PPP2R5E: variants seen among roughly 807,000 people sequenced by gnomAD.
PPP2R5E encodes the protein protein phosphatase 2 regulatory subunit B'epsilon.
A neutral mutation model predicts 65.3 loss-of-function variants in PPP2R5E; 4 were observed. That is an observed-to-expected ratio of 0.06 (90% confidence interval 0.03 to 0.14). The LOEUF (loss-of-function observed/expected upper bound fraction) is 0.14. Ranked by LOEUF, PPP2R5E falls within the 10% of genes least tolerant of loss-of-function variation. The pLI is 1.00. For missense variants in PPP2R5E, 274 were observed against 556.1 expected, an observed-to-expected ratio of 0.49 and a Z score of 5.10; for synonymous variants, 183 against 187.4, an observed-to-expected ratio of 0.98 and a Z score of 0.19.
At chr14:63,481,874 CAAA>C (rs1431484599) in intron 2 of PPP2R5E, among the ~76,000 whole-genome samples, 1 of 152,020 alleles carries the variant, frequency 6.6e-6, no homozygotes, top group Non-Finnish European at 1.5e-5. Context: ...TTTATTCTGA[CAAA>C]ATTCTGGAGT....
intron 8 of PPP2R5E, 32 bp downstream of exon 8, chr14:63,393,788 C>G (rs1187101297): frequency 2.2e-6 from 3 of 1,391,986 alleles, no homozygotes; most frequent in Non-Finnish European, 3.0e-6. Context: ...TTTTATTTTG[C>G]TTCTAAAAGT....
chr14:63,501,610 G>A (rs1049173675), intron 2 of PPP2R5E, among the ~76,000 whole-genome samples: 2 of 152,070 alleles, frequency 1.3e-5, no homozygotes, highest in African/African-American at 4.8e-5. Context: ...ATTCTGAGGT[G>A]ATAAAAATGT....
chr14:63,382,403 C>CTT (rs576740305), intron 12 of PPP2R5E, among the ~76,000 whole-genome samples: 113 of 138,574 alleles, frequency 8.2e-4, no homozygotes, highest in East Asian at 2.7e-3. Flanking sequence ...CTTCTAATTT[C>CTT]TTTTTTTTTT....
intron 3 of PPP2R5E, among the ~76,000 whole-genome samples, chr14:63,426,881 CG>C (rs1428074790): frequency 1.3e-5 from 2 of 152,012 alleles, no homozygotes; most frequent in African/African-American, 4.8e-5. Context: ...GGGGAGGAAG[CG>C]GGGAGGCGTG....
chr14:63,435,338 A>C (rs1887903000), intron 3 of PPP2R5E, among the ~76,000 whole-genome samples: 1 of 152,150 alleles, frequency 6.6e-6, no homozygotes, highest in Non-Finnish European at 1.5e-5. Flanking sequence ...TAAATACCGA[A>C]ACTATGGGTG....
chr14:63,463,092 A>G (rs1421460969), intron 2 of PPP2R5E, among the ~76,000 whole-genome samples: 30 of 138,402 alleles, frequency 2.2e-4, no homozygotes, highest in Admixed American at 2.0e-3. Flanking sequence ...ACAAGAGCAA[A>G]ACTCCATCTC....
chr14:63,425,203 C>T (rs1887266244), intron 3 of PPP2R5E, among the ~76,000 whole-genome samples: 1 of 152,210 alleles, frequency 6.6e-6, no homozygotes, highest in Non-Finnish European at 1.5e-5. Context: ...CTTTTGCTAT[C>T]GCTAATGACA....
intron 2 of PPP2R5E, among the ~76,000 whole-genome samples, chr14:63,530,262 TGC>T (rs1893364363): frequency 7.0e-6 from 1 of 141,934 alleles, no homozygotes; most frequent in Non-Finnish European, 1.5e-5. Context: ...GACGGAGTTT[TGC>T]TCTTGTTGCC....
chr14:63,495,169 C>A (rs1237333180), intron 2 of PPP2R5E, among the ~76,000 whole-genome samples: 1 of 151,780 alleles, frequency 6.6e-6, no homozygotes, highest in African/African-American at 2.4e-5. Context: ...CGCCACTGCA[C>A]TCCAGCCTGG....
chr14:63,426,504 A>G (rs1887340859), intron 3 of PPP2R5E, among the ~76,000 whole-genome samples: 2 of 152,136 alleles, frequency 1.3e-5, no homozygotes, highest in African/African-American at 4.8e-5. Context: ...GGTCCACTAA[A>G]TGGAAATTAA....
intron 8 of PPP2R5E, 64 bp from the exon 9 acceptor site, chr14:63,392,089 C>T: frequency 1.5e-6 from 2 of 1,321,894 alleles, no homozygotes; most frequent in Non-Finnish European, 2.1e-6. Context: ...TCAAAAGATA[C>T]ACTATTAAAA....
intron 6 of PPP2R5E, 29 bp from the exon 7 acceptor site, chr14:63,395,314 AAGG>A (rs747313281): frequency 8.6e-6 from 13 of 1,510,710 alleles, no homozygotes; most frequent in Admixed American, 8.5e-5. Flanking sequence ...AGGGAGGAGA[AAGG>A]AGGAGAGGAG....
At chr14:63,379,830 T>TC (rs1884220108) in intron 13 of PPP2R5E, among the ~76,000 whole-genome samples, 1 of 100,632 alleles carries the variant, frequency 9.9e-6, no homozygotes, top group Admixed American at 9.5e-5. Flanking sequence ...CTCTCTCTTT[T>TC]TTTTTTTTTT....
At chr14:63,384,618 G>A (rs1318926130) in intron 11 of PPP2R5E, 47 bp from the exon 12 acceptor site, 1 of 1,483,968 alleles carries the variant, frequency 6.7e-7, no homozygotes, top group Non-Finnish European at 9.2e-7. Context: ...AAAAGACAAA[G>A]ATAAAACAAA....
chr14:63,492,281 C>T (rs941951761), intron 2 of PPP2R5E, among the ~76,000 whole-genome samples: 1 of 152,000 alleles, frequency 6.6e-6, no homozygotes, highest in Non-Finnish European at 1.5e-5. Flanking sequence ...GGAGATCTTC[C>T]TTTTTATTCA....
At chr14:63,392,340 T>G (rs1045326623) in intron 8 of PPP2R5E, among the ~76,000 whole-genome samples, 1 of 152,226 alleles carries the variant, frequency 6.6e-6, no homozygotes, top group Non-Finnish European at 1.5e-5. Flanking sequence ...TACATACACT[T>G]TGAGCTACAT....
intron 2 of PPP2R5E, among the ~76,000 whole-genome samples, chr14:63,480,388 A>G (rs1421224254): frequency 1.3e-5 from 2 of 151,728 alleles, no homozygotes; most frequent in African/African-American, 4.9e-5. Context: ...TCTGGGAGGC[A>G]GAGGCTGCAG....
chr14:63,407,081 T>C lies in PPP2R5E; in HGVS notation c.549+8059A>G, dbSNP rs537497721. 7.2e-5 allele frequency among the ~76,000 whole-genome samples: 11 copies of C among 152,354 alleles called. No homozygotes were observed. In the South Asian group the frequency reaches 2.3e-3, roughly 32 times the overall value. ...TGTGTTGGGAATACTTCTGAGAGTTTGTATAGGTATTTAGTTGTTAAATCT... is the reference window on the plus strand; with the variant it reads ...TGTGTTGGGAATACTTCTGAGAGTTCGTATAGGTATTTAGTTGTTAAATCT... On this transcript the variant is annotated intron_variant, in intron 5 of 13. Transcript: ENST00000337537.
intron 3 of PPP2R5E, chr14:63,452,128 ATATT>A (rs1888872718): frequency 6.6e-6 from 1 of 152,212 alleles, no homozygotes; most frequent in Non-Finnish European, 1.5e-5. Context: ...ACAAAAAAAA[ATATT>A]TATACATATG....
Sources: gnomAD v4.1 joint callset for allele counts (sites outside exome capture counted in the v4.1 genomes callset) on GRCh38, gnomAD v4.1.1 for gene constraint, MANE v1.5 for transcripts, NCBI Gene and HGNC (gene_info 2026-07-23, HGNC 2026-07-21) for gene names.